Variants in L2HGDH observed in about 807,000 individuals in gnomAD.
L2HGDH encodes L-2-hydroxyglutarate dehydrogenase, mitochondrial.
L2HGDH carries 34 observed loss-of-function variants against 51.5 expected under a neutral mutation model. That is an observed-to-expected ratio of 0.66 (90% CI 0.50 to 0.88). L2HGDH has a LOEUF of 0.88. Among genes scored for constraint, L2HGDH ranks in the 40% least tolerant of loss-of-function variants. L2HGDH has a pLI of 0.00. For missense variants in L2HGDH, 558 were observed against 571.9 expected (o/e 0.98, Z 0.25); for synonymous variants, 198 against 197.9 (o/e 1.00, Z -0.01).
rs1402648920 is a variant in L2HGDH, at chr14:50,244,627, G to C, written c.*2431C>G. On this transcript the variant is annotated 3_prime_UTR_variant, in exon 10 of 10. Transcript: ENST00000267436. ...AATGCTTTTAATATACTCATCCTAA[G>C]AGTTGAATAATGGCCTACTCTGTTT... The C allele has an allele frequency of 1.0e-6, 1 of 985,248 alleles. No homozygotes were observed. Among genetic ancestry groups the C allele is most frequent in the East Asian group, 1.1e-4 (1 of 8,836 alleles). 61.0% of individuals were successfully genotyped at this position (985,248 alleles called of 1,614,324 possible).
chr14:50,254,052 G>A (rs1334345833), intron 9 of L2HGDH, among the ~76,000 whole-genome samples: 10 of 152,066 alleles, frequency 6.6e-5, no homozygotes, highest in African/African-American at 2.2e-4. Flanking sequence ...GGGATTTACA[G>A]GGGAGGTGGG....
chr14:50,274,358 T>A (rs1469127930), intron 6 of L2HGDH, among the ~76,000 whole-genome samples: 4 of 150,444 alleles, frequency 2.7e-5, no homozygotes, highest in Non-Finnish European at 5.9e-5. Flanking sequence ...CATAGCCAAC[T>A]GATATATGTA....
chr14:50,259,672 AG>A (rs112494721), intron 9 of L2HGDH, among the ~76,000 whole-genome samples: 9 of 151,290 alleles, frequency 5.9e-5, no homozygotes, highest in African/African-American at 2.2e-4. Context: ...TACTAAAAAT[AG>A]GGAAAAAAAA....
intron 1 of L2HGDH, 47 bp downstream of exon 1, chr14:50,311,964 G>A (rs1806924501): frequency 6.5e-7 from 1 of 1,540,892 alleles, no homozygotes; most frequent in African/African-American, 1.4e-5. Flanking sequence ...AGGTGCCTCC[G>A]CGAGGGGCAG....
intron 9 of L2HGDH, among the ~76,000 whole-genome samples, chr14:50,259,598 G>T (rs1351771543): frequency 6.6e-6 from 1 of 151,726 alleles, no homozygotes; most frequent in Non-Finnish European, 1.5e-5. Context: ...GGAGGCCAAG[G>T]CGGGTAGATC....
chr14:50,307,115 C>T (rs1382282506), intron 1 of L2HGDH, among the ~76,000 whole-genome samples: 1 of 151,834 alleles, frequency 6.6e-6, no homozygotes, highest in Non-Finnish European at 1.5e-5. Flanking sequence ...TGCGCCTGGC[C>T]CCTTGCTGCC....
intron 1 of L2HGDH, chr14:50,311,519 A>G (rs1176465974): frequency 4.4e-6 from 2 of 455,452 alleles, no homozygotes; most frequent in South Asian, 1.5e-5. Context: ...GGCTTTCATT[A>G]GCATAAGAGC....
chr14:50,277,822 T>TC (rs1230002811), intron 6 of L2HGDH, among the ~76,000 whole-genome samples: 10 of 128,442 alleles, frequency 7.8e-5, no homozygotes, highest in African/African-American at 2.8e-4. Context: ...ATAATAATAA[T>TC]AATAATCTGG....
chr14:50,249,221 T>C (rs1471544221), intron 9 of L2HGDH, among the ~76,000 whole-genome samples: 2 of 152,010 alleles, frequency 1.3e-5, no homozygotes, highest in Admixed American at 1.3e-4. Flanking sequence ...TAGATAAACT[T>C]GAAATACAGT....
At chr14:50,306,577 T>C (rs867857079) in intron 1 of L2HGDH, among the ~76,000 whole-genome samples, 2 of 141,390 alleles carry the variant, frequency 1.4e-5, no homozygotes, top group Non-Finnish European at 3.0e-5. Context: ...TTTGTTTTTT[T>C]TGGGGGGTTT....
intron 4 of L2HGDH, among the ~76,000 whole-genome samples, chr14:50,288,916 G>C (rs1890713036): frequency 6.6e-6 from 1 of 152,102 alleles, no homozygotes; most frequent in South Asian, 2.1e-4. Flanking sequence ...GAGCTAATTT[G>C]GTCTTTAAAT....
chr14:50,283,731 A>G, intron 5 of L2HGDH, 140 bp downstream of exon 5: 1 of 659,466 alleles, frequency 1.5e-6, no homozygotes, highest in Non-Finnish European at 2.6e-6. Flanking sequence ...TTTTATTTGT[A>G]TTATGTATTA....
intron 4 of L2HGDH, among the ~76,000 whole-genome samples, chr14:50,288,108 C>A (rs777834929): frequency 6.6e-6 from 1 of 152,094 alleles, no homozygotes; most frequent in Non-Finnish European, 1.5e-5. Flanking sequence ...TTTATAATTT[C>A]TTTGTGTTGT....
chr14:50,262,924 A>G (rs1371995781), intron 9 of L2HGDH, among the ~76,000 whole-genome samples: 1 of 152,208 alleles, frequency 6.6e-6, no homozygotes, highest in Non-Finnish European at 1.5e-5. Context: ...TTGTCCCCAA[A>G]TGCACCTGCC....
In L2HGDH at chr14:50,244,197, C is replaced by T. The variant is rs1024049704; in HGVS notation, c.*2861G>A. 1 of 160,046 alleles carries T rather than the reference C, an allele frequency of 6.2e-6. No individual in the cohort carries two copies. Among genetic ancestry groups the T allele is most frequent in the African/African-American group, 2.4e-5 (1 of 41,544 alleles). The allele number at this position is 160,046 out of a possible 1,614,324, so 9.9% of individuals were successfully genotyped here. Reference sequence around the variant, plus strand: ...ATTTATAGTCCCTTGGGTATATACCCAGTAATGGGATGGCTGGGTCAAATG... The same window carrying T: ...ATTTATAGTCCCTTGGGTATATACCTAGTAATGGGATGGCTGGGTCAAATG... On this transcript the variant is annotated 3_prime_UTR_variant, in exon 10 of 10. Coordinates refer to ENST00000267436, the MANE Select transcript of L2HGDH (RefSeq NM_024884.3).
intron 7 of L2HGDH, 89 bp from the exon 8 acceptor site, chr14:50,267,999 T>C: frequency 8.3e-7 from 1 of 1,208,860 alleles, no homozygotes; most frequent in South Asian, 1.2e-5. Flanking sequence ...TAAAACACTT[T>C]CTTCTCATGC....
chr14:50,307,031 G>A (rs1024949602), intron 1 of L2HGDH, among the ~76,000 whole-genome samples: 7 of 152,016 alleles, frequency 4.6e-5, no homozygotes, highest in Non-Finnish European at 7.4e-5. Flanking sequence ...GGTCAGGCTG[G>A]TCTCAAACTC....
chr14:50,270,555 G>T (rs931008682), intron 6 of L2HGDH, among the ~76,000 whole-genome samples: 2 of 151,968 alleles, frequency 1.3e-5, no homozygotes. Flanking sequence ...GCCCAGGCTG[G>T]AGTGCAGTGG....
chr14:50,252,357 A>C (rs140009986), intron 9 of L2HGDH, among the ~76,000 whole-genome samples: 1,945 of 152,188 alleles, frequency 0.013, 80 homozygotes, highest in Admixed American at 0.083. Flanking sequence ...AAGAAAGCAA[A>C]GAAGGAATTG....
Sources: gnomAD v4.1 joint callset for allele counts (sites outside exome capture counted in the v4.1 genomes callset) on GRCh38, gnomAD v4.1.1 for gene constraint, MANE v1.5 for transcripts, NCBI Gene and HGNC (gene_info 2026-07-23, HGNC 2026-07-21) for gene names.